KLHL2: variants seen among roughly 807,000 people sequenced by gnomAD.
KLHL2 encodes the protein kelch like family member 2.
KLHL2 carries 15 observed loss-of-function variants against 75.8 expected under a neutral mutation model. The observed-to-expected ratio is 0.20, with a 90% confidence interval of 0.13 to 0.30. KLHL2 has a LOEUF of 0.30. KLHL2 is among the 10% of genes least tolerant of loss of function. The pLI is 1.00. For missense variants in KLHL2, 381 were observed against 741.0 expected, an observed-to-expected ratio of 0.51 and a Z score of 5.64; for synonymous variants, 214 against 251.9, an observed-to-expected ratio of 0.85 and a Z score of 1.42.
At chr4:165,257,157 C>T (rs1318073981) in intron 4 of KLHL2, among the ~76,000 whole-genome samples, 3 of 152,198 alleles carry the variant, frequency 2.0e-5, no homozygotes, top group Admixed American at 6.5e-5. Context: ...TGGGGTCCTT[C>T]TGCAAGCAAG....
intron 9 of KLHL2, among the ~76,000 whole-genome samples, chr4:165,306,875 T>A (rs1268547352): frequency 6.6e-6 from 1 of 152,244 alleles, no homozygotes; most frequent in Non-Finnish European, 1.5e-5. Flanking sequence ...TGTAAAAACT[T>A]TATCTTTTAA....
intron 1 of KLHL2, among the ~76,000 whole-genome samples, chr4:165,211,041 C>G (rs754232134): frequency 1.3e-5 from 2 of 152,088 alleles, no homozygotes; most frequent in African/African-American, 4.8e-5. Flanking sequence ...AGAGACTTGT[C>G]GTCAGAGGTG....
intron 5 of KLHL2, among the ~76,000 whole-genome samples, chr4:165,292,619 C>T (rs1332413777): frequency 1.3e-5 from 2 of 152,176 alleles, no homozygotes; most frequent in African/African-American, 2.4e-5. Flanking sequence ...AGGCGTGAGC[C>T]ACCATGCCCT....
chr4:165,310,563 C>T lies in KLHL2; in HGVS notation c.1050C>T (p.Tyr350=), dbSNP rs578185586. 3.7e-6 allele frequency: 6 copies of T among 1,613,864 alleles called. No homozygotes were observed. The East Asian group carries it at 8.9e-5, about 24-fold the overall frequency. The change falls in exon 10 of 15, where the codon TAC becomes TAT. Residue 350 remains tyrosine (Y), a synonymous_variant. Transcript: ENST00000226725. ...GTACTCCTTTTGCAGGCATGGTCTA[C>T]ATGGCTGGACTTGTTTTTGCTGTTG... ...PSRRCRAGMV[Y]MAGLVFAVGG... is the part of the protein sequence containing the mutation.
At position 165,207,867 on chromosome 4, in the gene KLHL2, A is replaced by G. The variant is rs1478399713; in HGVS notation, c.-10A>G. 6.9e-7 allele frequency: 1 copy of G among 1,450,556 alleles called. No individual in the cohort carries two copies. Among genetic ancestry groups the G allele is most frequent in the Non-Finnish European group, 9.1e-7 (1 of 1,095,290 alleles). The allele number at this position is 1,450,556 out of a possible 1,614,324, so 89.9% of individuals were successfully genotyped here. A position where few individuals can be genotyped will look rare whatever the true frequency, so the allele number is the denominator to read the frequency against. Reference sequence around the variant, plus strand: ...CGGTGCCTGCGTTCTGAAGCCCGAGAGGAGCCACAATGGAGACGCCGCCGC... The same window carrying G: ...CGGTGCCTGCGTTCTGAAGCCCGAGGGGAGCCACAATGGAGACGCCGCCGC... On this transcript the variant is annotated 5_prime_UTR_variant, in exon 1 of 15. Transcript: ENST00000226725. The surrounding 1 kb of genome is among the most constrained non-coding windows in gnomAD (Gnocchi z 4.2).
At chr4:165,238,539 A>G (rs1353962098) in intron 3 of KLHL2, among the ~76,000 whole-genome samples, 1 of 152,336 alleles carries the variant, frequency 6.6e-6, no homozygotes, top group East Asian at 1.9e-4. Flanking sequence ...GACATATGGC[A>G]CGTTCATTGT....
chr4:165,294,296 C>A, intron 5 of KLHL2, 63 bp from the exon 6 acceptor site: 1 of 908,064 alleles, frequency 1.1e-6, no homozygotes, highest in Non-Finnish European at 1.8e-6. Flanking sequence ...CTTTTTTAAG[C>A]AGTTTGAAAC....
At chr4:165,216,784 G>T (rs1329623999) in intron 1 of KLHL2, among the ~76,000 whole-genome samples, 1 of 152,112 alleles carries the variant, frequency 6.6e-6, no homozygotes. Flanking sequence ...GACGTTTGCA[G>T]AAGGGGTGAT....
chr4:165,318,509 A>G (rs1342619153), intron 14 of KLHL2, among the ~76,000 whole-genome samples: 1 of 152,214 alleles, frequency 6.6e-6, no homozygotes, highest in African/African-American at 2.4e-5. Context: ...TGCTTTTAAT[A>G]GTATAATGTT....
At chr4:165,223,845 C>T (rs1030032845) in intron 2 of KLHL2, 9 of 290,620 alleles carry the variant, frequency 3.1e-5, no homozygotes, top group Non-Finnish European at 6.1e-5. Context: ...TCACAGAATG[C>T]TTATAATGTG....
intron 4 of KLHL2, among the ~76,000 whole-genome samples, chr4:165,258,935 T>A (rs1741424174): frequency 6.6e-6 from 1 of 152,240 alleles, no homozygotes; most frequent in Admixed American, 6.5e-5. Context: ...TTCAGGATTT[T>A]GCTATATTCT....
rs1298034706 is a variant in KLHL2 at position 165,264,723 on chromosome 4, T to C, written c.544+1364T>C. On this transcript the variant is annotated intron_variant, in intron 5 of 14. Coordinates refer to ENST00000226725, the MANE Select transcript of KLHL2 (RefSeq NM_007246.4). ...GTGTGTGTATATATATATATATACA[T>C]ATATATATATATATATGTATATATA... Among the ~76,000 whole-genome samples, 16 of 70,510 alleles carry C rather than the reference T, an allele frequency of 2.3e-4. No homozygotes were observed. The South Asian group carries it at 7.1e-3, about 31-fold the overall frequency. 46.3% of individuals were successfully genotyped at this position (70,510 alleles called of 152,430 possible). A position where few individuals can be genotyped will look rare whatever the true frequency, so the allele number is the denominator to read the frequency against.
At chr4:165,296,185 A>C (rs901603177) in intron 6 of KLHL2, among the ~76,000 whole-genome samples, 3 of 152,148 alleles carry the variant, frequency 2.0e-5, no homozygotes, top group Non-Finnish European at 4.4e-5. Flanking sequence ...CTGGAGCTTC[A>C]GTTCTTCTGC....
At chr4:165,266,713 G>T (rs1480652404) in intron 5 of KLHL2, among the ~76,000 whole-genome samples, 1 of 152,124 alleles carries the variant, frequency 6.6e-6, no homozygotes, top group East Asian at 1.9e-4. Context: ...TGCTGTTTTG[G>T]TTACTGTAGC....
At chr4:165,235,824 T>A (rs1397960091) in intron 3 of KLHL2, among the ~76,000 whole-genome samples, 1 of 152,142 alleles carries the variant, frequency 6.6e-6, no homozygotes, top group Non-Finnish European at 1.5e-5. Context: ...AGGACAATGT[T>A]CAACAAGAGC....
chr4:165,251,703 G>A (rs991525506), intron 4 of KLHL2, among the ~76,000 whole-genome samples: 2 of 142,840 alleles, frequency 1.4e-5, no homozygotes, highest in African/African-American at 5.1e-5. Flanking sequence ...TCCGCCTCCC[G>A]GGTTCACGCC....
chr4:165,313,916 T>C, intron 12 of KLHL2, 110 bp from the exon 13 acceptor site: 1 of 1,099,540 alleles, frequency 9.1e-7, no homozygotes, highest in South Asian at 1.8e-5. Context: ...CTTGCTTTTA[T>C]TATGAATTAT....
At chr4:165,235,627 A>G (rs1739281096) in intron 3 of KLHL2, among the ~76,000 whole-genome samples, 1 of 152,216 alleles carries the variant, frequency 6.6e-6, no homozygotes, top group African/African-American at 2.4e-5. Context: ...GAAAGGCTTC[A>G]TCCCTGTTCT....
chr4:165,321,200 T>G, intron 14 of KLHL2: 1 of 453,012 alleles, frequency 2.2e-6, no homozygotes, highest in Non-Finnish European at 4.4e-6. Flanking sequence ...TTGCACCAAG[T>G]GTGTCTGCCT....
Sources: gnomAD v4.1 joint callset for allele counts (sites outside exome capture counted in the v4.1 genomes callset) on GRCh38, gnomAD v4.1.1 for gene constraint, Gnocchi (gnomAD v3.1) non-coding constraint, MANE v1.5 for transcripts, NCBI Gene and HGNC (gene_info 2026-07-23, HGNC 2026-07-21) for gene names.